The following ST18 variants were observed in gnomAD, a reference collection of about 807,000 sequenced individuals.
ST18 encodes ST18 C2H2C-type zinc finger transcription factor, also known as suppression of tumorigenicity 18 protein.
ST18 carries 50 observed loss-of-function variants against 110.0 expected under a neutral mutation model. The ratio of observed to expected loss-of-function variants is 0.45; its 90% CI spans 0.36 to 0.58. The LOEUF (loss-of-function observed/expected upper bound fraction) is 0.58. ST18 is among the 20% of genes least tolerant of loss of function. ST18 has a pLI of 0.00. For synonymous variants in ST18, 461 were observed against 452.4 expected, an observed-to-expected ratio of 1.02 and a Z score of -0.24; for missense variants, 1,306 against 1,280.1, an observed-to-expected ratio of 1.02 and a Z score of -0.31.
chr8:52,359,707 G>A (rs1052291478), intron 2 of ST18, among the ~76,000 whole-genome samples: 16 of 152,092 alleles, frequency 1.1e-4, no homozygotes, highest in African/African-American at 3.9e-4. Flanking sequence ...TAACTTCACA[G>A]ACTATGTTCA....
intron 2 of ST18, among the ~76,000 whole-genome samples, chr8:52,244,618 C>G (rs190602989): frequency 1.2e-4 from 18 of 152,262 alleles, no homozygotes; most frequent in Non-Finnish European, 1.9e-4. Context: ...ACTCCTATCC[C>G]TGTTCTTCCA....
At chr8:52,304,654 T>G (rs1279359564) in intron 2 of ST18, among the ~76,000 whole-genome samples, 2 of 152,252 alleles carry the variant, frequency 1.3e-5, no homozygotes, top group Non-Finnish European at 2.9e-5. Context: ...CTCTTTGTTT[T>G]AGTCCACTTG....
intron 9 of ST18, among the ~76,000 whole-genome samples, chr8:52,178,015 T>G (rs2067590914): frequency 6.6e-6 from 1 of 152,228 alleles, no homozygotes; most frequent in African/African-American, 2.4e-5. Context: ...TAGCCTATTT[T>G]TGTGAACCTG....
At chr8:52,136,452 T>G (rs1351116522) in intron 19 of ST18, 138 bp downstream of exon 19, 10 of 781,518 alleles carry the variant, frequency 1.3e-5, no homozygotes, top group Non-Finnish European at 2.1e-5. Context: ...AGCGCTTTAG[T>G]CAGAAAGTGC....
intron 23 of ST18, among the ~76,000 whole-genome samples, chr8:52,124,238 C>T (rs1014794138): frequency 1.3e-5 from 2 of 151,492 alleles, no homozygotes; most frequent in African/African-American, 4.9e-5. Context: ...TGCGGTGGTG[C>T]TTTTTTGGCT....
intron 22 of ST18, among the ~76,000 whole-genome samples, chr8:52,130,139 G>GAAAGAAAGA (rs2048884184): frequency 1.3e-5 from 2 of 148,802 alleles, no homozygotes; most frequent in African/African-American, 5.0e-5. Flanking sequence ...AAGAAAGAAA[G>GAAAGAAAGA]AAAGAAAGAA....
intron 2 of ST18, among the ~76,000 whole-genome samples, chr8:52,276,836 G>T (rs567805940): frequency 6.7e-6 from 1 of 149,644 alleles, no homozygotes; most frequent in South Asian, 2.1e-4. Flanking sequence ...GTGCGATCTC[G>T]GCTCACTGCA....
chr8:52,314,627 C>A (rs1027891898), intron 2 of ST18, among the ~76,000 whole-genome samples: 3 of 152,180 alleles, frequency 2.0e-5, no homozygotes, highest in African/African-American at 7.2e-5. Context: ...GTCCCTTTTC[C>A]AGGGTACTGA....
intron 2 of ST18, among the ~76,000 whole-genome samples, chr8:52,271,145 A>G (rs540512181): frequency 5.6e-4 from 85 of 152,146 alleles, no homozygotes; most frequent in African/African-American, 1.9e-3. Context: ...TGATCCGCCC[A>G]CCTCAGCCTC....
intron 2 of ST18, among the ~76,000 whole-genome samples, chr8:52,273,349 T>C (rs1235003138): frequency 6.6e-6 from 1 of 152,180 alleles, no homozygotes; most frequent in Non-Finnish European, 1.5e-5. Context: ...ATCTGGAGAA[T>C]TTCAACACAA....
intron 2 of ST18, among the ~76,000 whole-genome samples, chr8:52,266,307 A>G (rs2138766536): frequency 6.6e-6 from 1 of 152,236 alleles, no homozygotes; most frequent in Middle Eastern, 3.4e-3. Flanking sequence ...ATAGGGATGT[A>G]AGTGTAGTTG....
At chr8:52,307,967 A>G (rs572037362) in intron 2 of ST18, among the ~76,000 whole-genome samples, 150 of 152,356 alleles carry the variant, frequency 9.8e-4, no homozygotes, top group African/African-American at 3.5e-3. Context: ...GGTAGCATGA[A>G]TGTCTTCATC....
At chr8:52,202,462 C>A (rs532368510) in intron 8 of ST18, among the ~76,000 whole-genome samples, 1 of 151,846 alleles carries the variant, frequency 6.6e-6, no homozygotes, top group Non-Finnish European at 1.5e-5. Context: ...GTCTCCCCAA[C>A]GAAATTGTAA....
intron 22 of ST18, 45 bp downstream of exon 22, chr8:52,131,913 A>T (rs200991854): frequency 6.3e-7 from 1 of 1,596,390 alleles, no homozygotes; most frequent in East Asian, 2.2e-5. Context: ...CCTAGGCGAC[A>T]ACCGATCACA....
At chr8:52,249,711 G>A (rs994619548) in intron 2 of ST18, among the ~76,000 whole-genome samples, 2 of 151,916 alleles carry the variant, frequency 1.3e-5, no homozygotes, top group Non-Finnish European at 2.9e-5. Context: ...GGTATCTTAC[G>A]GGCTTAATAT....
chr8:52,351,535 CAT>C (rs915566397), intron 2 of ST18, among the ~76,000 whole-genome samples: 5 of 152,214 alleles, frequency 3.3e-5, no homozygotes, highest in Non-Finnish European at 7.3e-5. Context: ...ACTCTCATGA[CAT>C]AACAGCATCT....
intron 23 of ST18, among the ~76,000 whole-genome samples, chr8:52,121,594 T>G (rs1291857984): frequency 6.6e-6 from 1 of 152,212 alleles, no homozygotes; most frequent in Non-Finnish European, 1.5e-5. Context: ...AAACATTTAT[T>G]ACCTCAAAGT....
chr8:52,294,301 G>A (rs1172858377), intron 2 of ST18, among the ~76,000 whole-genome samples: 1 of 152,232 alleles, frequency 6.6e-6, no homozygotes, highest in African/African-American at 2.4e-5. Flanking sequence ...GAACCAGAAA[G>A]GAACTGAAAA....
intron 19 of ST18, among the ~76,000 whole-genome samples, chr8:52,134,456 A>G (rs578246934): frequency 4.9e-4 from 75 of 152,360 alleles, no homozygotes; most frequent in African/African-American, 1.6e-3. Flanking sequence ...CTGAATGCAC[A>G]CTGTGGTTCA....
Sources: allele counts gnomAD v4.1 joint callset (sites outside exome capture counted in the v4.1 genomes callset), GRCh38; gene constraint gnomAD v4.1.1; transcripts MANE v1.5; gene names NCBI Gene and HGNC (gene_info 2026-07-23, HGNC 2026-07-21).